The following ZNF121 variants were observed in gnomAD, a reference collection of about 807,000 sequenced individuals.
ZNF121 encodes zinc finger protein 121 (clone ZHC32).
A neutral mutation model predicts 2.4 loss-of-function variants in ZNF121; 1 was observed. That is an observed-to-expected ratio of 0.41 (90% CI 0.15 to 1.94). The LOEUF (loss-of-function observed/expected upper bound fraction) is 1.94, where lower values mean the gene tolerates loss of function less well. Ranked by LOEUF, ZNF121 falls within the 30% of genes most tolerant of loss-of-function variation. The pLI is 0.30. For synonymous variants in ZNF121, 173 were observed against 158.6 expected, an observed-to-expected ratio of 1.09 and a Z score of -0.68; for missense variants, 369 against 466.3, an observed-to-expected ratio of 0.79 and a Z score of 1.92.
chr19:9,572,039 G>C (rs7252361), intron 1 of ZNF121, among the ~76,000 whole-genome samples: 1 of 151,958 alleles, frequency 6.6e-6, no homozygotes, highest in Non-Finnish European at 1.5e-5. Context: ...TTAGGATTAC[G>C]GGCATGAATC....
At position 9,569,838 on chromosome 19, in the gene ZNF121, CTTT is replaced by C. The variant is rs752091749; in HGVS notation, c.-159-759_-159-757del. Among the ~76,000 whole-genome samples, 514 of 117,634 alleles carry C rather than the reference CTTT, an allele frequency of 4.4e-3. 3 individuals are homozygous for C. The highest frequency in any genetic ancestry group is 0.014 in the African/African-American group (470 of 33,004). The allele number at this position is 117,634 out of a possible 152,430, so 77.2% of individuals were successfully genotyped here. On this transcript the variant is annotated intron_variant, in intron 1 of 3. Transcript: ENST00000320451. ...GTGAGCCACCACGCCTGGCCGAGAT[CTTT>C]TTTTTTTTTTTTTTTTTTACGATAT...
chr19:9,574,863 T>A (rs112526341), intron 1 of ZNF121, among the ~76,000 whole-genome samples: 26,334 of 152,134 alleles, frequency 0.17, 3,617 homozygotes, highest in African/African-American at 0.38. Flanking sequence ...GATATTTAAG[T>A]ATGTTAACAC....
rs2074117785 is a variant in ZNF121 at position 9,564,526 on chromosome 19, A to T, written c.*1414T>A. On this transcript the variant is annotated 3_prime_UTR_variant, in exon 4 of 4. Coordinates refer to ENST00000320451, the MANE Select transcript of ZNF121 (RefSeq NM_001008727.5). ...GATGTGATGGAAAAAAGAGAACTAG[A>T]ATTAGAAGTGGAGCCTGAAGATGTG... 6.6e-6 allele frequency: 1 copy of T among 152,166 alleles called. No homozygotes were observed. The highest frequency in any genetic ancestry group is 1.5e-5 in the Non-Finnish European group (1 of 68,048). 9.4% of individuals were successfully genotyped at this position (152,166 alleles called of 1,614,324 possible).
At chr19:9,575,890 C>G (rs748947917) in intron 1 of ZNF121, among the ~76,000 whole-genome samples, 55 of 105,668 alleles carry the variant, frequency 5.2e-4, no homozygotes, top group Non-Finnish European at 7.1e-5. Flanking sequence ...GAGATACACA[C>G]TGCAGTGCAG....
chr19:9,570,971 T>C (rs1426857559), intron 1 of ZNF121, among the ~76,000 whole-genome samples: 1 of 152,012 alleles, frequency 6.6e-6, no homozygotes, highest in African/African-American at 2.4e-5. Flanking sequence ...GGTGAGAAAA[T>C]CAACTATCAA....
chr19:9,579,901 C>T (rs2074236908), intron 1 of ZNF121, among the ~76,000 whole-genome samples: 1 of 152,186 alleles, frequency 6.6e-6, no homozygotes, highest in South Asian at 2.1e-4. Flanking sequence ...CACATGTACT[C>T]AGAAAACATG....
chr19:9,576,279 C>T (rs961111306), intron 1 of ZNF121, among the ~76,000 whole-genome samples: 5 of 151,710 alleles, frequency 3.3e-5, no homozygotes, highest in Admixed American at 6.6e-5. Context: ...AGACTGCTTG[C>T]ACCCAGGACT....
intron 1 of ZNF121, among the ~76,000 whole-genome samples, chr19:9,580,646 A>C (rs1395114236): frequency 6.6e-6 from 1 of 152,232 alleles, no homozygotes; most frequent in Non-Finnish European, 1.5e-5. Flanking sequence ...TCTAGTTTCA[A>C]CTGTAGACAA....
rs2074098504 is a variant in ZNF121 at position 9,561,099 on chromosome 19, A to C, written c.*4841T>G. Reference sequence around the variant, plus strand: ...CCAGCAGTGCTGCAGTGGAATTAAAAGTGTTGGCTTGTGGTCATGTTTTTA... The same window carrying C: ...CCAGCAGTGCTGCAGTGGAATTAAACGTGTTGGCTTGTGGTCATGTTTTTA... On this transcript the variant is annotated 3_prime_UTR_variant, in exon 4 of 4. Coordinates refer to ENST00000320451, the MANE Select transcript of ZNF121 (RefSeq NM_001008727.5). 1 of 152,218 alleles carries C rather than the reference A, an allele frequency of 6.6e-6. No individual in the cohort carries two copies. The highest frequency in any genetic ancestry group is 2.4e-5 in the African/African-American group (1 of 41,462). 9.4% of individuals were successfully genotyped at this position (152,218 alleles called of 1,614,324 possible).
chr19:9,577,148 A>T (rs1486216634), intron 1 of ZNF121, among the ~76,000 whole-genome samples: 1 of 152,248 alleles, frequency 6.6e-6, no homozygotes, highest in Non-Finnish European at 1.5e-5. Context: ...CAACAGCAAC[A>T]AAACTACAGG....
rs745772290 is a variant in ZNF121 at position 9,566,663 on chromosome 19, T to C, written c.450A>G (p.Gly150=). ...GATATGAAGAATATCTAAAGAATTT[T>C]CCACATTCCTTACATTCGTAGGGTT... ...VEKPYECKEC[G]KFFRYSSYLN... is the part of the protein sequence containing the mutation. Residue 150 remains glycine (G), a synonymous_variant, in exon 4 of 4, where the codon GGA becomes GGG. Coordinates refer to ENST00000320451, the MANE Select transcript of ZNF121 (RefSeq NM_001008727.5). 1.2e-6 allele frequency: 2 copies of C among 1,614,186 alleles called. No homozygotes were observed. Among genetic ancestry groups the C allele is most frequent in the Non-Finnish European group, 1.7e-6 (2 of 1,180,012 alleles).
chr19:9,567,084 A>G lies in ZNF121; in HGVS notation c.29T>C (p.Leu10Pro), dbSNP rs1463252860. Residue 10 changes from leucine (L) to proline (P), a missense_variant, in exon 4 of 4, where the codon CTC (leucine) becomes CCC (proline). Transcript: ENST00000320451. Reference sequence around the variant, plus strand: ...TTCTCCATTTTCCATAAAGTCACAGAGTTCCCCTCCATTGTGGATTTCTGC... The same window carrying G: ...TTCTCCATTTTCCATAAAGTCACAGGGTTCCCCTCCATTGTGGATTTCTGC... Reference protein sequence around the residue: MAEIHNGGELCDFMENGEIF... With the variant: MAEIHNGGEPCDFMENGEIF... 1 of 1,613,052 alleles carries G rather than the reference A, an allele frequency of 6.2e-7. No homozygotes were observed.
chr19:9,577,201 T>G (rs944145051), intron 1 of ZNF121, among the ~76,000 whole-genome samples: 1 of 152,104 alleles, frequency 6.6e-6, no homozygotes, highest in African/African-American at 2.4e-5. Flanking sequence ...TCCAGCACTT[T>G]GGGAGGCTGA....
intron 3 of ZNF121, 78 bp from the exon 4 acceptor site, chr19:9,567,187 GT>G: frequency 1.5e-6 from 2 of 1,297,012 alleles, no homozygotes; most frequent in Non-Finnish European, 2.1e-6. Flanking sequence ...AAATCAGACA[GT>G]TTATTATGAT....
Position 9,564,422 on chromosome 19 carries a change from CAG to C in ZNF121, c.*1516_*1517del, listed in dbSNP as rs898735265. 1 of 152,026 alleles carries C rather than the reference CAG, an allele frequency of 6.6e-6. No individual in the cohort carries two copies. The highest frequency in any genetic ancestry group is 2.4e-5 in the African/African-American group (1 of 41,378). The allele number at this position is 152,026 out of a possible 1,614,324, so 9.4% of individuals were successfully genotyped here. A position where few individuals can be genotyped will look rare whatever the true frequency, so the allele number is the denominator to read the frequency against. On this transcript the variant is annotated 3_prime_UTR_variant, in exon 4 of 4. Transcript: ENST00000320451. ...TAAAAAAATAAAAACCAACATTAAC[CAG>C]AGTTTGGAAGAAGTTGATTCCAACC...
intron 1 of ZNF121, among the ~76,000 whole-genome samples, chr19:9,582,326 C>T (rs1033406931): frequency 2.6e-5 from 4 of 152,162 alleles, no homozygotes; most frequent in Non-Finnish European, 5.9e-5. Flanking sequence ...CCTGCCTTAA[C>T]TGATGACATT....
intron 1 of ZNF121, among the ~76,000 whole-genome samples, chr19:9,571,881 G>A (rs1057480723): frequency 4.6e-5 from 7 of 151,900 alleles, no homozygotes; most frequent in African/African-American, 9.7e-5. Flanking sequence ...TCAGCCTCCC[G>A]AGTATGTGGG....
rs2074114337 is a variant in ZNF121, at chr19:9,563,852, T to C, written c.*2088A>G. On this transcript the variant is annotated 3_prime_UTR_variant, in exon 4 of 4. Coordinates refer to ENST00000320451, the MANE Select transcript of ZNF121 (RefSeq NM_001008727.5). ...CTACATCTACTCTTCCTGTGGTATC[T>C]ATTTACATCTATTTACAGCATGGTT... 6.6e-6 allele frequency: 1 copy of C among 152,244 alleles called. No homozygotes were observed. Among genetic ancestry groups the C allele is most frequent in the Admixed American group, 6.5e-5 (1 of 15,288 alleles). 9.4% of individuals were successfully genotyped at this position (152,244 alleles called of 1,614,324 possible).
At position 9,564,763 on chromosome 19, in the gene ZNF121, C is replaced by A. The variant is rs1390666348; in HGVS notation, c.*1177G>T. ...ATTAAGTCCAATTCTAAAAGAAGTT[C>A]CACTATGCGTAAAATGTTATCAAAC... is the stretch of plus-strand genomic sequence containing the variant. On this transcript the variant is annotated 3_prime_UTR_variant, in exon 4 of 4. Coordinates refer to ENST00000320451, the MANE Select transcript of ZNF121 (RefSeq NM_001008727.5). 6.6e-6 allele frequency: 1 copy of A among 152,156 alleles called. No homozygotes were observed. Among genetic ancestry groups the A allele is most frequent in the South Asian group, 2.1e-4 (1 of 4,834 alleles). The allele number at this position is 152,156 out of a possible 1,614,324, so 9.4% of individuals were successfully genotyped here.
Sources: gnomAD v4.1 joint callset for allele counts (sites outside exome capture counted in the v4.1 genomes callset) on GRCh38, gnomAD v4.1.1 for gene constraint, MANE v1.5 for transcripts, NCBI Gene and HGNC (gene_info 2026-07-23, HGNC 2026-07-21) for gene names.